The following THSD7B variants were observed in gnomAD, a reference collection of about 807,000 sequenced individuals.
THSD7B encodes the protein thrombospondin type-1 domain-containing protein 7B.
THSD7B carries 138 observed loss-of-function variants against 213.6 expected under a neutral mutation model. The ratio of observed to expected loss-of-function variants is 0.65; its 90% CI spans 0.56 to 0.74. The LOEUF (loss-of-function observed/expected upper bound fraction) is 0.74, where lower values mean the gene tolerates loss of function less well. Ranked by LOEUF, THSD7B falls within the 30% of genes least tolerant of loss-of-function variation. The pLI is 0.00. For missense variants in THSD7B, 1,931 were observed against 1,991.5 expected, an observed-to-expected ratio of 0.97 and a Z score of 0.58; for synonymous variants, 742 against 687.0, an observed-to-expected ratio of 1.08 and a Z score of -1.25.
intron 20 of THSD7B, among the ~76,000 whole-genome samples, chr2:137,623,531 G>A (rs1289322224): frequency 1.3e-5 from 2 of 152,184 alleles, no homozygotes; most frequent in South Asian, 2.1e-4. Context: ...AAAAGAGGAA[G>A]TCAAATTGTC....
intron 9 of THSD7B, among the ~76,000 whole-genome samples, chr2:137,238,501 T>A (rs1185514736): frequency 6.9e-6 from 1 of 143,960 alleles, no homozygotes; most frequent in Non-Finnish European, 1.5e-5. Context: ...CTTGTTTAAA[T>A]AACACTATAT....
At chr2:137,257,627 A>C (rs1682339924) in intron 10 of THSD7B, among the ~76,000 whole-genome samples, 1 of 152,138 alleles carries the variant, frequency 6.6e-6, no homozygotes. Context: ...CACCCCTGAG[A>C]CTGCACAGAT....
At chr2:137,522,817 T>C (rs928337973) in intron 15 of THSD7B, among the ~76,000 whole-genome samples, 7 of 152,194 alleles carry the variant, frequency 4.6e-5, no homozygotes, top group Non-Finnish European at 7.3e-5. Context: ...TATACACTTA[T>C]ACCAGATAAA....
At chr2:137,560,158 C>A (rs1179433113) in intron 15 of THSD7B, among the ~76,000 whole-genome samples, 1 of 150,212 alleles carries the variant, frequency 6.7e-6, no homozygotes. Flanking sequence ...TGTGGCGATT[C>A]CTCAAGGATC....
chr2:137,433,488 C>G (rs1323567035), intron 14 of THSD7B, among the ~76,000 whole-genome samples: 1 of 151,916 alleles, frequency 6.6e-6, no homozygotes. Flanking sequence ...TCCCAAGTAG[C>G]TGGGATTACA....
chr2:137,373,770 G>C (rs1450318113), intron 12 of THSD7B, among the ~76,000 whole-genome samples: 8 of 152,132 alleles, frequency 5.3e-5, no homozygotes, highest in African/African-American at 1.9e-4. Flanking sequence ...TGAAGTCCTT[G>C]CCCATGCCTA....
intron 15 of THSD7B, among the ~76,000 whole-genome samples, chr2:137,553,333 T>C (rs903333784): frequency 6.6e-6 from 1 of 152,140 alleles, no homozygotes; most frequent in African/African-American, 2.4e-5. Context: ...TTTGTTTTAT[T>C]TGAGCCCTTG....
chr2:137,187,651 C>T (rs1680576228), intron 7 of THSD7B, among the ~76,000 whole-genome samples: 1 of 152,088 alleles, frequency 6.6e-6, no homozygotes, highest in Non-Finnish European at 1.5e-5. Context: ...ACTACCACTA[C>T]CCCAGAAAGC....
chr2:137,522,844 G>C (rs1680210076), intron 15 of THSD7B, among the ~76,000 whole-genome samples: 2 of 152,302 alleles, frequency 1.3e-5, no homozygotes, highest in South Asian at 4.1e-4. Flanking sequence ...CTGCATTGAA[G>C]ACTCTGCCAG....
intron 12 of THSD7B, among the ~76,000 whole-genome samples, chr2:137,319,922 T>C (rs1178270559): frequency 2.0e-5 from 3 of 152,154 alleles, no homozygotes; most frequent in African/African-American, 4.8e-5. Context: ...TGCCCTCCTC[T>C]TGCTCTTGCC....
At position 137,677,414 on chromosome 2, in the gene THSD7B, C is replaced by CAGTT. The variant is rs1356475448; in HGVS notation, c.*810_*813dup. On this transcript the variant is annotated 3_prime_UTR_variant, in exon 28 of 28. Transcript: ENST00000409968. The stretch of plus-strand genomic sequence containing the variant: ...ATGTAGATATAGCATTAACCACACA[C>CAGTT]AGTTGTAATTCAGTTTAATGATGAC... 4 of 152,342 alleles carry CAGTT rather than the reference C, an allele frequency of 2.6e-5. No homozygotes were observed. Among genetic ancestry groups the CAGTT allele is most frequent in the African/African-American group, 7.2e-5 (3 of 41,440 alleles). The allele number at this position is 152,342 out of a possible 1,614,324, so 9.4% of individuals were successfully genotyped here.
chr2:137,030,534 A>G (rs576248258), intron 2 of THSD7B, among the ~76,000 whole-genome samples: 1 of 152,304 alleles, frequency 6.6e-6, no homozygotes, highest in South Asian at 2.1e-4. Flanking sequence ...GAGGCTCAGT[A>G]TGTTGGGAGG....
chr2:137,232,759 C>T (rs1681668462), intron 8 of THSD7B, 140 bp from the exon 9 acceptor site: 1 of 711,894 alleles, frequency 1.4e-6, no homozygotes, highest in Non-Finnish European at 2.3e-6. Context: ...TGTTCTTAGA[C>T]TGAGAAGAAC....
chr2:136,980,933 G>T (rs529949657), intron 2 of THSD7B, among the ~76,000 whole-genome samples: 235 of 152,026 alleles, frequency 1.5e-3, no homozygotes, highest in African/African-American at 5.6e-3. Flanking sequence ...TCGCTCTCTG[G>T]GGTCTCACCA....
chr2:137,592,089 A>G (rs1253224204), intron 17 of THSD7B, among the ~76,000 whole-genome samples: 1 of 151,742 alleles, frequency 6.6e-6, no homozygotes, highest in African/African-American at 2.4e-5. Context: ...TTTTATTTTC[A>G]GTAGTTTCAT....
chr2:137,170,784 G>A lies in THSD7B; in HGVS notation c.1569G>A (p.Gly523=). The A allele has an allele frequency of 3.1e-6, 5 of 1,613,646 alleles. No individual in the cohort carries two copies. The African/African-American group carries it at 6.7e-5, about 22-fold the overall frequency. ...RQRHVLMEST[G]PAGHCPHLVE... is the part of the protein sequence containing the mutation. Reference sequence around the variant, plus strand: ...GCCATGTCCTCATGGAATCTACAGGGCCTGCAGGGCATTGCCCTCATTTGG... The same window carrying A: ...GCCATGTCCTCATGGAATCTACAGGACCTGCAGGGCATTGCCCTCATTTGG... Residue 523 remains glycine, a synonymous_variant, in exon 7 of 28, where the codon GGG becomes GGA. Coordinates refer to ENST00000409968, the MANE Select transcript of THSD7B (RefSeq NM_001316349.2).
chr2:137,311,178 C>A (rs967904734), intron 12 of THSD7B, among the ~76,000 whole-genome samples: 4 of 150,446 alleles, frequency 2.7e-5, no homozygotes, highest in Admixed American at 1.3e-4. Flanking sequence ...TCTTTTATTT[C>A]GTTGAGCAGT....
At chr2:137,556,071 G>A (rs1418467247) in intron 15 of THSD7B, among the ~76,000 whole-genome samples, 1 of 152,208 alleles carries the variant, frequency 6.6e-6, no homozygotes, top group Non-Finnish European at 1.5e-5. Context: ...TCTAATTGGT[G>A]TACGTAAAAG....
intron 14 of THSD7B, among the ~76,000 whole-genome samples, chr2:137,438,470 T>C (rs1198574516): frequency 6.6e-6 from 1 of 152,176 alleles, no homozygotes. Context: ...TCAGCTGTAC[T>C]GTCTCTGTCA....
Sources: allele counts gnomAD v4.1 joint callset (sites outside exome capture counted in the v4.1 genomes callset), GRCh38; gene constraint gnomAD v4.1.1; transcripts MANE v1.5; gene names NCBI Gene and HGNC (gene_info 2026-07-23, HGNC 2026-07-21).